CORO1C: variants seen among roughly 807,000 people sequenced by gnomAD.
CORO1C encodes coronin 1C, also known as coronin-1C.
In CORO1C, 14 loss-of-function variants were observed where a neutral mutation model predicts 51.2. The observed-to-expected ratio is 0.27, with a 90% confidence interval of 0.18 to 0.43. The LOEUF is 0.43. Ranked by LOEUF, CORO1C falls within the 20% of genes least tolerant of loss-of-function variation. The probability of loss-of-function intolerance (pLI) is 1.00; values close to 1 mark genes in which losing one functional copy is unlikely to be tolerated. For synonymous variants in CORO1C, 181 were observed against 210.5 expected, an observed-to-expected ratio of 0.86 and a Z score of 1.21; for missense variants, 417 against 607.8, an observed-to-expected ratio of 0.69 and a Z score of 3.30.
chr12:108,670,309 A>C (rs974505383), intron 3 of CORO1C, among the ~76,000 whole-genome samples: 2 of 152,150 alleles, frequency 1.3e-5, no homozygotes, highest in Non-Finnish European at 2.9e-5. Flanking sequence ...CAGCAGCAGA[A>C]ACTGGGAAGG....
intron 3 of CORO1C, among the ~76,000 whole-genome samples, chr12:108,671,343 AG>A (rs1451549352): frequency 3.3e-5 from 5 of 151,976 alleles, no homozygotes; most frequent in Admixed American, 1.3e-4. Flanking sequence ...AAAGAAAAGG[AG>A]TGGGGGGAGG....
At chr12:108,647,655 G>A in intron 10 of CORO1C, 133 bp from the exon 11 acceptor site, 1 of 624,088 alleles carries the variant, frequency 1.6e-6, no homozygotes, top group South Asian at 2.1e-5. Context: ...GTTGAAAAGA[G>A]AAGTCAAAGC....
At chr12:108,661,372 T>C (rs1462526884) in intron 4 of CORO1C, among the ~76,000 whole-genome samples, 1 of 152,138 alleles carries the variant, frequency 6.6e-6, no homozygotes, top group Admixed American at 6.5e-5. Context: ...GTGAAAAGGG[T>C]CACAGCCTAC....
chr12:108,670,816 G>T (rs117746162), intron 3 of CORO1C, among the ~76,000 whole-genome samples: 5,518 of 151,970 alleles, frequency 0.036, 129 homozygotes, highest in Non-Finnish European at 0.054. Flanking sequence ...CTACATTATA[G>T]TGATTCAAAA....
intron 1 of CORO1C, among the ~76,000 whole-genome samples, chr12:108,729,702 A>G (rs1378092921): frequency 6.6e-6 from 1 of 152,238 alleles, no homozygotes; most frequent in Non-Finnish European, 1.5e-5. Flanking sequence ...CAAACCAAAA[A>G]TACTAGTTTC....
chr12:108,676,949 A>ATC, intron 3 of CORO1C, among the ~76,000 whole-genome samples: 1 of 152,182 alleles, frequency 6.6e-6, no homozygotes, highest in Non-Finnish European at 1.5e-5. Flanking sequence ...AGATCACAGG[A>ATC]GGAGACATTC....
At chr12:108,693,077 CT>C (rs1267220928) in intron 2 of CORO1C, among the ~76,000 whole-genome samples, 1 of 152,046 alleles carries the variant, frequency 6.6e-6, no homozygotes, top group Non-Finnish European at 1.5e-5. Context: ...GAATTACAAG[CT>C]TGAGCCACCG....
intron 1 of CORO1C, chr12:108,702,786 A>C (rs1342435632): frequency 1.3e-6 from 2 of 1,497,516 alleles, no homozygotes; most frequent in African/African-American, 2.8e-5. Context: ...TTTTTGCCAG[A>C]GTCTCTTACC....
chr12:108,711,103 T>C (rs779773855), intron 1 of CORO1C, among the ~76,000 whole-genome samples: 2 of 152,024 alleles, frequency 1.3e-5, no homozygotes, highest in African/African-American at 4.8e-5. Context: ...TGGTTCATAG[T>C]TGTACTCCCA....
chr12:108,652,398 T>C lies in CORO1C; in HGVS notation c.875A>G (p.Tyr292Cys). 1.2e-6 allele frequency: 2 copies of C among 1,613,770 alleles called. No homozygotes were observed. The highest frequency in any genetic ancestry group is 1.7e-6 in the Non-Finnish European group (2 of 1,179,716). The change falls in exon 8 of 11, where the codon TAT becomes TGT. Residue 292 changes from tyrosine to cysteine, a missense_variant. Physicochemically the swap from Tyr to Cys is radical, Grantham distance 194. Transcript: ENST00000261401. Reference sequence around the variant, plus strand: ...CGGGGATTCATCCGTGATCTCAAAATAGCGAATACTGCTGTCACCCTGTAA... The same window carrying C: ...CGGGGATTCATCCGTGATCTCAAAACAGCGAATACTGCTGTCACCCTGTAA... ...LCGKGDSSIR[Y>C]FEITDESPYV...
chr12:108,674,440 C>T (rs1330618622), intron 3 of CORO1C, among the ~76,000 whole-genome samples: 1 of 150,856 alleles, frequency 6.6e-6, no homozygotes, highest in Non-Finnish European at 1.5e-5. Context: ...CCCAGCTACT[C>T]GGAGGGCTGA....
chr12:108,653,738 A>G (rs948019808), intron 7 of CORO1C, among the ~76,000 whole-genome samples: 10 of 152,272 alleles, frequency 6.6e-5, no homozygotes, highest in Admixed American at 1.3e-4. Context: ...GTCAGGCCTC[A>G]TATCTTCAAG....
rs899456545 is a variant in CORO1C, at chr12:108,669,827, CTTTCA to C, written c.319-7674_319-7670del. Among the ~76,000 whole-genome samples the C allele has an allele frequency of 3.9e-5, 6 of 152,058 alleles. 1 individual carries two copies. The highest frequency in any genetic ancestry group is 1.2e-4 in the African/African-American group (5 of 41,388). ...GGAGAAGATCAAACATTTCTTTAAA[CTTTCA>C]TTTCAACTGCTAAGCTATACAAGCT... On this transcript the variant is annotated intron_variant, in intron 3 of 10. Transcript: ENST00000261401.
At chr12:108,661,953 AAC>A in intron 4 of CORO1C, 74 bp downstream of exon 4, 1 of 1,562,472 alleles carries the variant, frequency 6.4e-7, no homozygotes. Context: ...ACACAACCAA[AAC>A]ACATTTGCTT....
chr12:108,701,473 T>C, intron 1 of CORO1C, 150 bp from the exon 2 acceptor site: 1 of 1,259,280 alleles, frequency 7.9e-7, no homozygotes, highest in South Asian at 1.5e-5. Context: ...TCCAAATTTC[T>C]TTTAGCAGCA....
intron 3 of CORO1C, among the ~76,000 whole-genome samples, chr12:108,663,949 A>G (rs920262354): frequency 2.0e-5 from 3 of 152,210 alleles, no homozygotes; most frequent in Admixed American, 2.0e-4. Flanking sequence ...AGGGACAGGG[A>G]AAGTATGAGT....
intron 3 of CORO1C, among the ~76,000 whole-genome samples, chr12:108,662,912 C>T (rs1305232764): frequency 2.6e-5 from 4 of 152,100 alleles, no homozygotes; most frequent in African/African-American, 9.7e-5. Context: ...GAGAAAATAA[C>T]TTACAAATCA....
chr12:108,653,402 C>A (rs2032770816), intron 7 of CORO1C, among the ~76,000 whole-genome samples: 1 of 152,104 alleles, frequency 6.6e-6, no homozygotes, highest in Non-Finnish European at 1.5e-5. Flanking sequence ...AAAACAATGA[C>A]CTATAAAAAT....
At chr12:108,705,437 G>A (rs1239707925) in intron 1 of CORO1C, among the ~76,000 whole-genome samples, 1 of 124,000 alleles carries the variant, frequency 8.1e-6, no homozygotes, top group African/African-American at 3.0e-5. Context: ...TCCAGCCTAG[G>A]TGACAGAGCA....
Sources: allele counts gnomAD v4.1 joint callset (sites outside exome capture counted in the v4.1 genomes callset), GRCh38; gene constraint gnomAD v4.1.1; transcripts MANE v1.5; gene names NCBI Gene and HGNC (gene_info 2026-07-23, HGNC 2026-07-21).